BRME1: variants seen among roughly 807,000 people sequenced by gnomAD.
The protein encoded by BRME1 is break repair meiotic recombinase recruitment factor 1, also known as BRCA2 and MEILB2-associating protein 1.
A neutral mutation model predicts 52.6 loss-of-function variants in BRME1; 31 were observed. The ratio of observed to expected loss-of-function variants is 0.59; its 90% confidence interval spans 0.44 to 0.80. The LOEUF is 0.80. Among genes scored for constraint, BRME1 ranks in the 30% least tolerant of loss-of-function variants. The probability of loss-of-function intolerance (pLI) is 0.00; values close to 1 mark genes in which losing one functional copy is unlikely to be tolerated. For missense variants in BRME1, 804 were observed against 860.3 expected (o/e 0.93, Z 0.82); for synonymous variants, 359 against 353.6 (o/e 1.02, Z -0.17).
At chr19:13,885,181 G>C (rs1023715861) in intron 7 of BRME1, 2 of 152,436 alleles carry the variant, frequency 1.3e-5, no homozygotes. Context: ...GGAGAAGGAG[G>C]AGGAGGGTGT....
Position 13,889,905 on chromosome 19 carries a change from C to A in BRME1, c.951G>T (p.Arg317Ser). Residue 317 changes from arginine (R) to serine (S), a missense_variant, in exon 6 of 9, where the codon AGG becomes AGT. Arg to Ser is a moderately radical substitution (Grantham distance 110). Around this residue, in one of 3 missense-constraint regions of BRME1, gnomAD observed 552 missense variants for 561.1 expected, o/e 0.98. Coordinates refer to ENST00000586783, the MANE Select transcript of BRME1 (RefSeq NM_001345843.2). ...GSPDPQQTPS[R>S]MGREGEGTHS... ...GAGTCCCTTCCCCTTCCCTACCCAT[C>A]CTGCTGGGGGTCTGCTGGGGGTCAG... 6 of 1,612,996 alleles carry A rather than the reference C, an allele frequency of 3.7e-6. No homozygotes were observed. Among genetic ancestry groups the A allele is most frequent in the South Asian group, 1.1e-5 (1 of 91,070 alleles).
chr19:13,882,872 G>T lies in BRME1; in HGVS notation c.1937C>A (p.Ala646Asp). ...NYRKTKLGGK[A>D]PLPYPSKGPG... is the part of the protein sequence containing the mutation. ...CCCCTTGGAAGGGTAAGGCAGGGGG[G>T]CTTTGCCTCCCAGCTTTGTCTTCCG... The change falls in exon 9 of 9, where the codon GCC becomes GAC. Residue 646 changes from alanine (A) to aspartate (D), a missense_variant. Coordinates refer to ENST00000586783, the MANE Select transcript of BRME1 (RefSeq NM_001345843.2). 1.9e-6 allele frequency: 3 copies of T among 1,614,036 alleles called. No individual in the cohort carries two copies. Among genetic ancestry groups the T allele is most frequent in the Non-Finnish European group, 2.5e-6 (3 of 1,179,976 alleles).
At chr19:13,894,461 G>C (rs557361484) in intron 3 of BRME1, among the ~76,000 whole-genome samples, 1 of 152,266 alleles carries the variant, frequency 6.6e-6, no homozygotes, top group South Asian at 2.1e-4. Flanking sequence ...GGAGGTGGAG[G>C]TTGCAGTGAG....
At chr19:13,905,035 G>C in intron 1 of BRME1, 122 bp from the exon 2 acceptor site, 1 of 742,058 alleles carries the variant, frequency 1.3e-6, no homozygotes, top group East Asian at 2.6e-5. Flanking sequence ...CTGCCCCAGG[G>C]GTCAGATGGC....
rs1599328219 is a variant in BRME1, at chr19:13,889,904, T to C, written c.952A>G (p.Met318Val). ...SPDPQQTPSRMGREGEGTHSS... is the reference protein window; with the variant it reads ...SPDPQQTPSRVGREGEGTHSS... ...TGAGTCCCTTCCCCTTCCCTACCCA[T>C]CCTGCTGGGGGTCTGCTGGGGGTCA... is the stretch of plus-strand genomic sequence containing the variant. The change falls in exon 6 of 9, where the codon ATG becomes GTG. Residue 318 changes from methionine (M) to valine (V), a missense_variant. This residue lies in a region of BRME1 where 552 missense variants were observed against 561.1 expected (regional missense o/e 0.98). Coordinates refer to ENST00000586783, the MANE Select transcript of BRME1 (RefSeq NM_001345843.2). 1 of 1,612,954 alleles carries C rather than the reference T, an allele frequency of 6.2e-7. No homozygotes were observed. Among genetic ancestry groups the C allele is most frequent in the African/African-American group, 1.3e-5 (1 of 75,036 alleles).
At chr19:13,890,631 G>A (rs956791458) in intron 5 of BRME1, among the ~76,000 whole-genome samples, 169 bp from the exon 6 acceptor site, 4 of 152,158 alleles carry the variant, frequency 2.6e-5, no homozygotes, top group African/African-American at 7.2e-5. Flanking sequence ...TTGGGAGGCC[G>A]AGGTGGGCGG....
At chr19:13,896,752 G>A (rs1349889355) in intron 2 of BRME1, among the ~76,000 whole-genome samples, 1 of 151,322 alleles carries the variant, frequency 6.6e-6, no homozygotes, top group Non-Finnish European at 1.5e-5. Context: ...GTGAGGTGGT[G>A]CAACTGTGGA....
intron 3 of BRME1, among the ~76,000 whole-genome samples, chr19:13,893,866 A>T (rs1969693903): frequency 6.6e-6 from 1 of 152,018 alleles, no homozygotes; most frequent in African/African-American, 2.4e-5. Flanking sequence ...GCAATGAGCT[A>T]TGATCACGCC....
rs774829475 is a variant in BRME1, at chr19:13,890,361, C to T, written c.495G>A (p.Thr165=). 7.7e-6 allele frequency: 12 copies of T among 1,565,156 alleles called. No homozygotes were observed. The highest frequency in any genetic ancestry group is 9.5e-6 in the Non-Finnish European group (11 of 1,159,046). The stretch of plus-strand genomic sequence containing the variant: ...GCTCAGGGCGGGCACTGTCTGCCTG[C>T]GTTGGGTCCCCCAGCTCCGTGGCCT... ...LQEATELGDP[T]QADSARPEQS... is the part of the protein sequence containing the mutation. The change falls in exon 6 of 9, where the codon ACG becomes ACA. Residue 165 remains threonine (T), a synonymous_variant. Transcript: ENST00000586783.
intron 6 of BRME1, among the ~76,000 whole-genome samples, chr19:13,886,995 G>A (rs1969079035): frequency 6.6e-6 from 1 of 152,148 alleles, no homozygotes; most frequent in Non-Finnish European, 1.5e-5. Flanking sequence ...GACTCCATAT[G>A]CAGATTGCAG....
At position 13,890,139 on chromosome 19, in the gene BRME1, G is replaced by A. The variant is rs77941658; in HGVS notation, c.717C>T (p.Ser239=). The A allele has an allele frequency of 2.5e-6, 4 of 1,614,144 alleles. No individual in the cohort carries two copies. The African/African-American group carries it at 4.0e-5, about 16-fold the overall frequency. Residue 239 remains serine, a synonymous_variant, in exon 6 of 9, where the codon AGC becomes AGT. Transcript: ENST00000586783. The stretch of plus-strand genomic sequence containing the variant: ...CTGGCTTCTCCCCTTCAGAATCAAT[G>A]CTTGGTAGGTGTTCCTTTTGGCCAC... ...GDGGQKEHLP[S]IDSEGEKPDR...
chr19:13,899,163 T>G (rs1970131719), intron 2 of BRME1, among the ~76,000 whole-genome samples: 1 of 151,042 alleles, frequency 6.6e-6, no homozygotes, highest in Non-Finnish European at 1.5e-5. Flanking sequence ...TTTTTTTTTT[T>G]TTTGAGATGG....
chr19:13,895,595 C>A (rs1448169930), intron 2 of BRME1, 49 bp from the exon 3 acceptor site: 3 of 1,521,014 alleles, frequency 2.0e-6, no homozygotes, highest in Non-Finnish European at 2.7e-6. Context: ...ACAGCCACTG[C>A]TCATGGCTGA....
At chr19:13,905,551 G>A (rs976752155) in intron 1 of BRME1, among the ~76,000 whole-genome samples, 164 bp downstream of exon 1, 1 of 151,182 alleles carries the variant, frequency 6.6e-6, no homozygotes, top group Admixed American at 6.6e-5. Flanking sequence ...GCACACACCC[G>A]TAATCCCAGC....
At chr19:13,895,574 G>A in intron 2 of BRME1, 28 bp from the exon 3 acceptor site, 1 of 1,595,016 alleles carries the variant, frequency 6.3e-7, no homozygotes. Context: ...GAAGATGAAG[G>A]GGTGGGGGAT....
chr19:13,897,634 G>A (rs571370656), intron 2 of BRME1, among the ~76,000 whole-genome samples: 2 of 152,318 alleles, frequency 1.3e-5, no homozygotes, highest in African/African-American at 2.4e-5. Context: ...GGGAGGCCGA[G>A]GCAGGTGGAT....
At position 13,883,170 on chromosome 19, in the gene BRME1, G is replaced by A. The variant is rs1038952882; in HGVS notation, c.1856+138C>T. On this transcript the variant is annotated intron_variant, in intron 8 of 8. Transcript: ENST00000586783. The surrounding 1 kb of genome is among the most constrained non-coding windows in gnomAD (Gnocchi z 4.2). The stretch of plus-strand genomic sequence containing the variant: ...GCAAAGGACGGGGGAGGGGGGCCAC[G>A]GTGAGGACCCAGCAGCAGTGAGGTG... The A allele has an allele frequency of 1.8e-5, 17 of 963,412 alleles. No individual in the cohort carries two copies. In the Admixed American group the frequency reaches 1.9e-4, roughly 11 times the overall value. 59.7% of individuals were successfully genotyped at this position (963,412 alleles called of 1,614,324 possible).
At chr19:13,904,095 C>T (rs965955702) in intron 2 of BRME1, among the ~76,000 whole-genome samples, 4 of 151,906 alleles carry the variant, frequency 2.6e-5, no homozygotes, top group Non-Finnish European at 5.9e-5. Flanking sequence ...TCCGTTATTT[C>T]TATTTTTCTT....
Position 13,889,718 on chromosome 19 carries a change from G to A in BRME1, c.1138C>T (p.His380Tyr). The A allele has an allele frequency of 6.2e-7, 1 of 1,608,844 alleles. No individual in the cohort carries two copies. Among genetic ancestry groups the A allele is most frequent in the Non-Finnish European group, 8.5e-7 (1 of 1,178,274 alleles). The change falls in exon 6 of 9, where the codon CAC (histidine) becomes TAC (tyrosine). Residue 380 changes from histidine (H) to tyrosine (Y), a missense_variant. Physicochemically the swap from His to Tyr is moderately conservative, Grantham distance 83. This residue lies in a region of BRME1 where 552 missense variants were observed against 561.1 expected (regional missense o/e 0.98). Transcript: ENST00000586783. ...SPRRKAADGG[H>Y]RRALPGCTSL... is the part of the protein sequence containing the mutation. ...GTGCAGCCTGGCAAGGCCCTCCTGT[G>A]GCCTCCATCAGCGGCCTTCCTCCTG...
Sources: allele counts gnomAD v4.1 joint callset (sites outside exome capture counted in the v4.1 genomes callset), GRCh38; gene constraint gnomAD v4.1.1; regional missense constraint gnomAD v4.1.1; non-coding constraint Gnocchi (gnomAD v3.1); transcripts MANE v1.5; gene names NCBI Gene and HGNC (gene_info 2026-07-23, HGNC 2026-07-21).